CCDC7: variants seen among roughly 807,000 people sequenced by gnomAD.
The protein encoded by CCDC7 is coiled-coil domain-containing protein 7.
In CCDC7, 183 loss-of-function variants were observed where a neutral mutation model predicts 196.9. The observed-to-expected ratio is 0.93, with a 90% CI of 0.82 to 1.05. The LOEUF (loss-of-function observed/expected upper bound fraction) is 1.05, where lower values mean the gene tolerates loss of function less well. Among genes scored for constraint, CCDC7 ranks in the 50% least tolerant of loss-of-function variants. The pLI, the probability that CCDC7 is intolerant of heterozygous loss-of-function variation, is 0.00. For synonymous variants in CCDC7, 525 were observed against 484.6 expected (o/e 1.08, Z -1.10); for missense variants, 1,540 against 1,482.2 (o/e 1.04, Z -0.64).
At chr10:32,806,101 C>T (rs762423824) in intron 30 of CCDC7, among the ~76,000 whole-genome samples, 1 of 152,160 alleles carries the variant, frequency 6.6e-6, no homozygotes, top group Admixed American at 6.5e-5. Flanking sequence ...GACACAAACA[C>T]GTCCCACCTC....
At chr10:32,453,481 G>C (rs2133391596) in intron 2 of CCDC7, 45 bp downstream of exon 3, 1 of 1,276,302 alleles carries the variant, frequency 7.8e-7, no homozygotes, top group East Asian at 2.8e-5. Flanking sequence ...CACTGAAAAG[G>C]GTCGATTTTC....
At chr10:32,593,592 C>G (rs976400783) in intron 18 of CCDC7, among the ~76,000 whole-genome samples, 25 of 152,148 alleles carry the variant, frequency 1.6e-4, no homozygotes, top group African/African-American at 6.0e-4. Flanking sequence ...GTTGCCATTG[C>G]TTTTGGTGTT....
chr10:32,506,845 G>A (rs775049611), intron 9 of CCDC7, among the ~76,000 whole-genome samples: 67 of 151,788 alleles, frequency 4.4e-4, no homozygotes, highest in Non-Finnish European at 8.7e-4. Flanking sequence ...GAGGGAGACC[G>A]TAGAAAGAAA....
chr10:32,839,816 A>G (rs2092855187), intron 33 of CCDC7, among the ~76,000 whole-genome samples: 1 of 152,134 alleles, frequency 6.6e-6, no homozygotes. Flanking sequence ...CTCAGACCAC[A>G]GTGGAATAAA....
chr10:32,505,061 AG>A (rs2044674720), intron 9 of CCDC7, among the ~76,000 whole-genome samples: 2 of 152,162 alleles, frequency 1.3e-5, no homozygotes, highest in South Asian at 4.1e-4. Context: ...ATCTATTAAT[AG>A]TTGCTGTATG....
chr10:32,551,033 CT>C (rs1364855669), intron 13 of CCDC7, among the ~76,000 whole-genome samples: 1 of 151,584 alleles, frequency 6.6e-6, no homozygotes, highest in Non-Finnish European at 1.5e-5. Context: ...GGTCCTGGCC[CT>C]TTTTTTTGTT....
At chr10:32,835,960 A>T (rs1593287961) in intron 33 of CCDC7, among the ~76,000 whole-genome samples, 1 of 152,172 alleles carries the variant, frequency 6.6e-6, no homozygotes, top group East Asian at 1.9e-4. Flanking sequence ...GAAGAGGAGT[A>T]TAACAGTCAT....
chr10:32,806,485 C>T (rs969147755), intron 30 of CCDC7, among the ~76,000 whole-genome samples: 2 of 151,494 alleles, frequency 1.3e-5, no homozygotes, highest in African/African-American at 2.4e-5. Flanking sequence ...CATTCTTTAA[C>T]AAGAAAAGGA....
At position 32,872,309 on chromosome 10, in the gene CCDC7, CTTCT is replaced by C. The variant is rs544521132; in HGVS notation, c.4112-4035_4112-4032del. ...GATCCCTTTACCATTATGTAATGGC[CTTCT>C]TTGTCTCTTTTGATCTTTGTTGGTT... On this transcript the variant is annotated intron_variant, in intron 41 of 41. Transcript: ENST00000639629. Among the ~76,000 whole-genome samples the C allele has an allele frequency of 3.1e-3, 473 of 151,986 alleles. 4 individuals carry two copies. The highest frequency in any genetic ancestry group is 0.027 in the Middle Eastern group (8 of 294).
intron 1 of CCDC7, 56 bp downstream of exon 2, chr10:32,451,977 G>C (rs7094838): frequency 6.5e-7 from 1 of 1,541,074 alleles, no homozygotes; most frequent in East Asian, 2.3e-5. Context: ...CCCAGGTTTA[G>C]TGATGTGCTA....
chr10:32,619,252 G>C (rs1298021150), intron 18 of CCDC7, among the ~76,000 whole-genome samples: 1 of 151,988 alleles, frequency 6.6e-6, no homozygotes, highest in African/African-American at 2.4e-5. Flanking sequence ...CAATATAAGA[G>C]AAAATGACTT....
chr10:32,634,865 A>G (rs1418945866), intron 19 of CCDC7, among the ~76,000 whole-genome samples, 192 bp from the exon 21 acceptor site: 5 of 152,352 alleles, frequency 3.3e-5, no homozygotes, highest in South Asian at 4.1e-4. Context: ...TTGCATAGTC[A>G]GTGACTACCA....
At position 32,452,980 on chromosome 10, in the gene CCDC7, A is replaced by T. The variant is rs536614132; in HGVS notation, c.280-364A>T. ...AAAAATTCATTGCTTTCTGGTCTCC[A>T]TCTTTCTATTTCCCCTAACTCTCTT... On this transcript the variant is annotated intron_variant, in intron 1 of 41. Coordinates refer to ENST00000639629, the Ensembl canonical transcript of CCDC7. Among the ~76,000 whole-genome samples the T allele has an allele frequency of 3.9e-5, 6 of 152,288 alleles. No homozygotes were observed. In the South Asian group the frequency reaches 6.2e-4, roughly 16 times the overall value.
rs16933605 is a variant in CCDC7, at chr10:32,680,714, G to A, written c.2123-5256G>A. 6.6e-3 allele frequency among the ~76,000 whole-genome samples: 1,006 copies of A among 152,154 alleles called. 6 individuals carry two copies. The highest frequency in any genetic ancestry group is 0.02 in the South Asian group (98 of 4,810). Reference sequence around the variant, plus strand: ...TATTTGCCTGTCATCTTGGCGTCAAGGGTTGTCAAGATCACAGTCATCTTG... The same window carrying A: ...TATTTGCCTGTCATCTTGGCGTCAAAGGTTGTCAAGATCACAGTCATCTTG... On this transcript the variant is annotated intron_variant, in intron 21 of 41. Coordinates refer to ENST00000639629, the Ensembl canonical transcript of CCDC7.
chr10:32,681,972 T>C (rs2141046672), intron 21 of CCDC7, among the ~76,000 whole-genome samples: 1 of 152,304 alleles, frequency 6.6e-6, no homozygotes, highest in South Asian at 2.1e-4. Context: ...GTGCGAATCC[T>C]GACTAATCCA....
At chr10:32,661,048 A>T (rs544464085) in intron 20 of CCDC7, among the ~76,000 whole-genome samples, 5 of 147,316 alleles carry the variant, frequency 3.4e-5, no homozygotes, top group Admixed American at 6.8e-5. Context: ...AACCTACAAA[A>T]TGGGAGAAAA....
At chr10:32,469,610 G>GA (rs2037535963) in intron 5 of CCDC7, among the ~76,000 whole-genome samples, 1 of 152,176 alleles carries the variant, frequency 6.6e-6, no homozygotes, top group Non-Finnish European at 1.5e-5. Context: ...TGATATGTTG[G>GA]AAAACTTCCC....
At chr10:32,840,298 A>T (rs79235111) in intron 33 of CCDC7, among the ~76,000 whole-genome samples, 21,888 of 151,992 alleles carry the variant, frequency 0.14, 1,922 homozygotes, top group African/African-American at 0.25. Context: ...AAATAAGCTC[A>T]ATTAGAAATG....
intron 28 of CCDC7, among the ~76,000 whole-genome samples, chr10:32,772,979 TTCACAGTGTCAA>T (rs1477633162): frequency 7.9e-5 from 12 of 152,228 alleles, no homozygotes; most frequent in African/African-American, 2.9e-4. Flanking sequence ...TGAAAAAAAG[TTCACAGTGTCAA>T]TCTCATTATC....
Sources: gnomAD v4.1 joint callset for allele counts (sites outside exome capture counted in the v4.1 genomes callset) on GRCh38, gnomAD v4.1.1 for gene constraint, MANE v1.5 for transcripts, NCBI Gene and HGNC (gene_info 2026-07-23, HGNC 2026-07-21) for gene names.